USP34: variants seen among roughly 807,000 people sequenced by gnomAD.
The protein encoded by USP34 is ubiquitin specific peptidase 34.
A neutral mutation model predicts 460.3 loss-of-function variants in USP34; 70 were observed. That is an observed-to-expected ratio of 0.15 (90% CI 0.13 to 0.19). The LOEUF (loss-of-function observed/expected upper bound fraction) is 0.19. Ranked by LOEUF, USP34 falls within the 10% of genes least tolerant of loss-of-function variation. USP34 has a pLI of 1.00. For synonymous variants in USP34, 1,647 were observed against 1,405.3 expected, an observed-to-expected ratio of 1.17 and a Z score of -3.85; for missense variants, 3,985 against 4,236.2, an observed-to-expected ratio of 0.94 and a Z score of 1.65.
intron 2 of USP34, among the ~76,000 whole-genome samples, chr2:61,415,381 T>G (rs1041421928): frequency 6.6e-6 from 1 of 152,062 alleles, no homozygotes; most frequent in Non-Finnish European, 1.5e-5. Context: ...AGAGAGAACA[T>G]GCAAGATATA....
chr2:61,453,446 G>A (rs939563497), intron 1 of USP34, among the ~76,000 whole-genome samples: 3 of 150,592 alleles, frequency 2.0e-5, no homozygotes, highest in African/African-American at 7.3e-5. Flanking sequence ...GCAGTGGCTT[G>A]TGCCTGTAAT....
At chr2:61,351,655 A>G (rs1308373103) in intron 10 of USP34, among the ~76,000 whole-genome samples, 1 of 152,188 alleles carries the variant, frequency 6.6e-6, no homozygotes, top group African/African-American at 2.4e-5. Context: ...GTAGGCATAC[A>G]CATATGAATT....
chr2:61,215,987 G>T (rs188340715), intron 67 of USP34, among the ~76,000 whole-genome samples: 1 of 151,976 alleles, frequency 6.6e-6, no homozygotes, highest in Non-Finnish European at 1.5e-5. Context: ...TCTGAGTTTG[G>T]GTTCTTTTCA....
chr2:61,377,263 T>C (rs1449763450), intron 8 of USP34, among the ~76,000 whole-genome samples: 1 of 152,146 alleles, frequency 6.6e-6, no homozygotes, highest in African/African-American at 2.4e-5. Flanking sequence ...AGAGCAGTAG[T>C]AACATCAAGT....
At chr2:61,200,722 AAATAT>A (rs1457747032) in intron 75 of USP34, 1 of 152,286 alleles carries the variant, frequency 6.6e-6, no homozygotes. Flanking sequence ...TCTTGTTGCC[AAATAT>A]AATTTCTTGA....
intron 1 of USP34, among the ~76,000 whole-genome samples, chr2:61,438,561 C>T (rs1318370903): frequency 6.6e-6 from 1 of 152,022 alleles, no homozygotes; most frequent in Non-Finnish European, 1.5e-5. Context: ...GATCACGCCA[C>T]TGCACTCCAG....
Position 61,301,164 on chromosome 2 carries a change from T to A in USP34, c.3919-4A>T, listed in dbSNP as rs867813857. ...CACCCAAAGATACAAATACCATCTATAAAAAACAGGAAAAAAAATTTATGC... is the reference window on the plus strand; with the variant it reads ...CACCCAAAGATACAAATACCATCTAAAAAAAACAGGAAAAAAAATTTATGC... On this transcript the variant is annotated splice_polypyrimidine_tract_variant and splice_region_variant and intron_variant, in intron 28 of 79. Coordinates refer to ENST00000398571, the MANE Select transcript of USP34 (RefSeq NM_014709.4). 6.3e-7 allele frequency: 1 copy of A among 1,582,052 alleles called. No individual in the cohort carries two copies. Among genetic ancestry groups the A allele is most frequent in the South Asian group, 1.2e-5 (1 of 85,248 alleles).
intron 34 of USP34, among the ~76,000 whole-genome samples, chr2:61,286,670 A>C (rs1689699633): frequency 6.6e-6 from 1 of 151,978 alleles, no homozygotes; most frequent in South Asian, 2.1e-4. Context: ...AAAACCCCAA[A>C]CCACTGGCAT....
chr2:61,243,249 C>A (rs1688323338), intron 51 of USP34, among the ~76,000 whole-genome samples: 1 of 151,606 alleles, frequency 6.6e-6, no homozygotes, highest in South Asian at 2.1e-4. Flanking sequence ...CGGGTTCAAG[C>A]GATTCTCCTG....
intron 75 of USP34, among the ~76,000 whole-genome samples, chr2:61,196,381 C>CG (rs896145227): frequency 6.6e-6 from 1 of 151,760 alleles, no homozygotes; most frequent in Non-Finnish European, 1.5e-5. Context: ...TGAGCCACCG[C>CG]GCCCGGCCAA....
intron 67 of USP34, among the ~76,000 whole-genome samples, chr2:61,215,916 G>C: frequency 6.6e-6 from 1 of 152,148 alleles, no homozygotes; most frequent in Non-Finnish European, 1.5e-5. Flanking sequence ...CAGCCAATCA[G>C]ATTCACAGGC....
At chr2:61,370,701 A>G (rs886369301) in intron 8 of USP34, 122 bp from the exon 9 acceptor site, 5 of 766,446 alleles carry the variant, frequency 6.5e-6, no homozygotes, top group East Asian at 2.7e-5. Context: ...ATTAGATACA[A>G]TCAGTTTTAT....
At chr2:61,374,354 T>C (rs982898266) in intron 8 of USP34, among the ~76,000 whole-genome samples, 8 of 152,060 alleles carry the variant, frequency 5.3e-5, no homozygotes, top group Non-Finnish European at 1.5e-5. Flanking sequence ...TGAAGAAAAA[T>C]ATTTTTTCTT....
intron 1 of USP34, among the ~76,000 whole-genome samples, chr2:61,421,594 C>T (rs2103974394): frequency 6.6e-6 from 1 of 152,248 alleles, no homozygotes; most frequent in African/African-American, 2.4e-5. Flanking sequence ...TGAGGCTTAT[C>T]AGCTTTCTTA....
intron 19 of USP34, 48 bp downstream of exon 19, chr2:61,333,834 T>C (rs1251731025): frequency 7.7e-7 from 1 of 1,300,196 alleles, no homozygotes; most frequent in Admixed American, 2.7e-5. Context: ...ATAACTATAA[T>C]TAGAAAAAAA....
chr2:61,403,779 A>G (rs1693787879), intron 3 of USP34, among the ~76,000 whole-genome samples: 1 of 152,060 alleles, frequency 6.6e-6, no homozygotes, highest in Admixed American at 6.6e-5. Flanking sequence ...CAAGGCCAGG[A>G]GATCGAGACC....
At chr2:61,362,775 T>G (rs538408153) in intron 10 of USP34, among the ~76,000 whole-genome samples, 47 of 152,204 alleles carry the variant, frequency 3.1e-4, no homozygotes, top group Non-Finnish European at 4.3e-4. Flanking sequence ...ATGGTAACCA[T>G]GTGAGGTAAT....
rs555435870 is a variant in USP34, at chr2:61,320,736, G to A, written c.3014-1409C>T. ...AAAAACAAAAATTTGTAGGCTGGGCGTGGTGGCTCACGCCTGTAATCCCAG... is the reference window on the plus strand; with the variant it reads ...AAAAACAAAAATTTGTAGGCTGGGCATGGTGGCTCACGCCTGTAATCCCAG... On this transcript the variant is annotated intron_variant, in intron 21 of 79. Transcript: ENST00000398571. 2.0e-4 allele frequency among the ~76,000 whole-genome samples: 30 copies of A among 152,260 alleles called. 1 individual carries two copies. The East Asian group carries it at 2.5e-3, about 13-fold the overall frequency.
At chr2:61,216,923 GAAAA>G (rs1257182328) in intron 67 of USP34, among the ~76,000 whole-genome samples, 1 of 99,872 alleles carries the variant, frequency 1.0e-5, no homozygotes, top group Non-Finnish European at 2.2e-5. Flanking sequence ...ATCTCAAAAA[GAAAA>G]AAAAAAAAAA....
Sources: gnomAD v4.1 joint callset for allele counts (sites outside exome capture counted in the v4.1 genomes callset) on GRCh38, gnomAD v4.1.1 for gene constraint, MANE v1.5 for transcripts, NCBI Gene and HGNC (gene_info 2026-07-23, HGNC 2026-07-21) for gene names.